ZNF385D: variants seen among roughly 807,000 people sequenced by gnomAD.
ZNF385D encodes zinc finger protein 385D.
ZNF385D carries 15 observed loss-of-function variants against 35.8 expected under a neutral mutation model. The observed-to-expected ratio is 0.42, with a 90% CI of 0.28 to 0.64. The LOEUF (loss-of-function observed/expected upper bound fraction) is 0.64, where lower values mean the gene tolerates loss of function less well. Ranked by LOEUF, ZNF385D falls within the 30% of genes least tolerant of loss-of-function variation. The probability of loss-of-function intolerance (pLI) is 0.23; values close to 1 mark genes in which losing one functional copy is unlikely to be tolerated. For missense variants in ZNF385D, 474 were observed against 494.6 expected (o/e 0.96, Z 0.39); for synonymous variants, 212 against 186.8 (o/e 1.13, Z -1.10).
intron 2 of ZNF385D, among the ~76,000 whole-genome samples, chr3:22,263,849 C>G (rs189037485): frequency 6.6e-6 from 1 of 151,852 alleles, no homozygotes; most frequent in Admixed American, 6.6e-5. Flanking sequence ...GCCAAATGCC[C>G]TCCCATGCAC....
chr3:22,204,558 C>T (rs1697020601), intron 2 of ZNF385D, among the ~76,000 whole-genome samples: 1 of 151,920 alleles, frequency 6.6e-6, no homozygotes, highest in Non-Finnish European at 1.5e-5. Flanking sequence ...AATATGTGAC[C>T]TTTCAGACAG....
intron 2 of ZNF385D, among the ~76,000 whole-genome samples, chr3:21,620,162 G>A (rs1429740816): frequency 2.0e-5 from 3 of 152,164 alleles, no homozygotes; most frequent in East Asian, 1.9e-4. Flanking sequence ...ACAAAGTAAC[G>A]AAGTGTACAC....
At chr3:22,079,147 A>T (rs1416450751) in intron 3 of ZNF385D, among the ~76,000 whole-genome samples, 1 of 152,084 alleles carries the variant, frequency 6.6e-6, no homozygotes, top group African/African-American at 2.4e-5. Context: ...GATTACTGGT[A>T]ACCTACATTA....
chr3:22,224,428 C>G (rs1337387501), intron 2 of ZNF385D, among the ~76,000 whole-genome samples: 1 of 152,106 alleles, frequency 6.6e-6, no homozygotes, highest in African/African-American at 2.4e-5. Context: ...ACCTCAGATT[C>G]TATCTCTCTG....
At chr3:21,847,763 C>G (rs989848886) in intron 3 of ZNF385D, among the ~76,000 whole-genome samples, 3 of 151,988 alleles carry the variant, frequency 2.0e-5, no homozygotes, top group African/African-American at 7.2e-5. Context: ...AAAGTTCCCT[C>G]TTATTCCTTT....
chr3:21,896,794 T>C (rs569469923), intron 3 of ZNF385D, among the ~76,000 whole-genome samples: 28 of 151,642 alleles, frequency 1.8e-4, no homozygotes, highest in Non-Finnish European at 3.5e-4. Flanking sequence ...GTTCTGTGTT[T>C]GTATTTCTCC....
At chr3:22,273,077 A>G (rs955212435) in intron 2 of ZNF385D, among the ~76,000 whole-genome samples, 6 of 151,758 alleles carry the variant, frequency 4.0e-5, no homozygotes, top group East Asian at 1.9e-4. Context: ...AGAAAGAGAG[A>G]AAAAAAAGAG....
intron 3 of ZNF385D, among the ~76,000 whole-genome samples, chr3:21,827,516 T>C (rs991244703): frequency 6.6e-6 from 1 of 152,206 alleles, no homozygotes; most frequent in Non-Finnish European, 1.5e-5. Flanking sequence ...TTAAGTTTAC[T>C]TATACGTCAA....
intron 2 of ZNF385D, among the ~76,000 whole-genome samples, chr3:21,591,704 C>T (rs1450957305): frequency 2.0e-5 from 3 of 152,132 alleles, no homozygotes; most frequent in Admixed American, 6.6e-5. Flanking sequence ...CTTCTGAAGT[C>T]CTAAACTCAT....
In ZNF385D at chr3:21,420,923, A is replaced by C. The variant is rs1700705925; in HGVS notation, c.*291T>G. 6.3e-6 allele frequency: 2 copies of C among 315,830 alleles called. No homozygotes were observed. Among genetic ancestry groups the C allele is most frequent in the African/African-American group, 2.1e-5 (1 of 47,920 alleles). 19.6% of individuals were successfully genotyped at this position (315,830 alleles called of 1,614,324 possible). A position where few individuals can be genotyped will look rare whatever the true frequency, so the allele number is the denominator to read the frequency against. ...CAGAGGGAAATAGGTGCCCAAAAGC[A>C]CAGTCACAGAGGCTTCAGAAGGTCT... On this transcript the variant is annotated 3_prime_UTR_variant, in exon 8 of 8. Coordinates refer to ENST00000281523, the MANE Select transcript of ZNF385D (RefSeq NM_024697.3).
At chr3:22,047,862 C>T (rs927536937) in intron 3 of ZNF385D, among the ~76,000 whole-genome samples, 6 of 152,124 alleles carry the variant, frequency 3.9e-5, no homozygotes, top group Admixed American at 1.3e-4. Flanking sequence ...ACTTTCCCAC[C>T]ATTCAGATAC....
intron 3 of ZNF385D, among the ~76,000 whole-genome samples, chr3:21,856,842 C>T (rs992539144): frequency 1.3e-5 from 2 of 152,006 alleles, no homozygotes; most frequent in African/African-American, 2.4e-5. Flanking sequence ...CCTTAAATTA[C>T]GGATCAAAGG....
intron 2 of ZNF385D, among the ~76,000 whole-genome samples, chr3:21,613,037 TA>T: frequency 6.6e-6 from 1 of 150,924 alleles, no homozygotes; most frequent in South Asian, 2.1e-4. Flanking sequence ...GAACACCCTC[TA>T]AATTCAGTGC....
intron 3 of ZNF385D, among the ~76,000 whole-genome samples, chr3:21,867,267 G>C (rs1003215245): frequency 6.6e-6 from 1 of 152,026 alleles, no homozygotes; most frequent in Non-Finnish European, 1.5e-5. Context: ...TCTCCCATTA[G>C]GCCTCGTCTC....
chr3:22,318,041 G>A (rs1440549977), intron 2 of ZNF385D, among the ~76,000 whole-genome samples: 1 of 151,578 alleles, frequency 6.6e-6, no homozygotes, highest in African/African-American at 2.4e-5. Context: ...CTGGGCGACA[G>A]AGTGAGACTC....
chr3:21,721,047 A>G (rs1302663914), intron 1 of ZNF385D, among the ~76,000 whole-genome samples: 1 of 152,224 alleles, frequency 6.6e-6, no homozygotes, highest in African/African-American at 2.4e-5. Context: ...TTTCTTATCA[A>G]AAGAAAGTTG....
intron 1 of ZNF385D, among the ~76,000 whole-genome samples, chr3:21,684,248 A>G (rs1214494189): frequency 6.7e-6 from 1 of 148,260 alleles, no homozygotes; most frequent in Non-Finnish European, 1.5e-5. Context: ...TTTAACTGAG[A>G]ATACTTTCCC....
intron 3 of ZNF385D, among the ~76,000 whole-genome samples, chr3:21,985,876 T>A (rs1410626742): frequency 1.6e-5 from 2 of 128,484 alleles, no homozygotes; most frequent in African/African-American, 6.8e-5. Flanking sequence ...AGATTCAACT[T>A]CTTCCTGGTT....
chr3:21,961,346 G>A (rs1419354166), intron 3 of ZNF385D: 1 of 152,056 alleles, frequency 6.6e-6, no homozygotes, highest in Non-Finnish European at 1.5e-5. Context: ...CCAATTTTAT[G>A]TGGCATTTGG....
Sources: gnomAD v4.1 joint callset for allele counts (sites outside exome capture counted in the v4.1 genomes callset) on GRCh38, gnomAD v4.1.1 for gene constraint, MANE v1.5 for transcripts, NCBI Gene and HGNC (gene_info 2026-07-23, HGNC 2026-07-21) for gene names.